The following MAP2K6 variants were observed in gnomAD, a reference collection of about 807,000 sequenced individuals.
The protein encoded by MAP2K6 is dual specificity mitogen-activated protein kinase kinase 6.
A neutral mutation model predicts 53.7 loss-of-function variants in MAP2K6; 16 were observed. The ratio of observed to expected loss-of-function variants is 0.30; its 90% CI spans 0.20 to 0.45. The LOEUF (loss-of-function observed/expected upper bound fraction) is 0.45, where lower values mean the gene tolerates loss of function less well. Among genes scored for constraint, MAP2K6 ranks in the 20% least tolerant of loss-of-function variants. The pLI is 1.00. For synonymous variants in MAP2K6, 132 were observed against 143.1 expected (o/e 0.92, Z 0.55); for missense variants, 204 against 411.9 (o/e 0.50, Z 4.37).
chr17:69,487,031 C>T (rs992019212), intron 1 of MAP2K6, among the ~76,000 whole-genome samples: 17 of 152,144 alleles, frequency 1.1e-4, no homozygotes, highest in Non-Finnish European at 2.1e-4. Flanking sequence ...AGACCTGGGT[C>T]GTGTCAAAAC....
chr17:69,541,555 C>T, intron 11 of MAP2K6, 121 bp from the exon 12 acceptor site: 1 of 622,380 alleles, frequency 1.6e-6, no homozygotes. Context: ...GTAGGAAAAG[C>T]CCAGCCTAGC....
At chr17:69,423,092 C>T (rs1035679663) in intron 1 of MAP2K6, among the ~76,000 whole-genome samples, 4 of 152,094 alleles carry the variant, frequency 2.6e-5, no homozygotes, top group Admixed American at 2.6e-4. Context: ...ACCATGTTGG[C>T]CAGGATGATC....
intron 1 of MAP2K6, among the ~76,000 whole-genome samples, chr17:69,476,499 A>T (rs1018238432): frequency 1.2e-4 from 18 of 152,196 alleles, no homozygotes; most frequent in Admixed American, 1.2e-3. Context: ...AAACTCATGG[A>T]GTCCCTACTC....
chr17:69,415,591 A>G (rs768970930), intron 1 of MAP2K6, among the ~76,000 whole-genome samples: 1 of 152,240 alleles, frequency 6.6e-6, no homozygotes, highest in African/African-American at 2.4e-5. Flanking sequence ...AAAGCAGACG[A>G]GTCTTGCTCT....
intron 1 of MAP2K6, among the ~76,000 whole-genome samples, chr17:69,493,949 C>T (rs1380255882): frequency 6.6e-6 from 1 of 152,076 alleles, no homozygotes; most frequent in Non-Finnish European, 1.5e-5. Context: ...TTTAAGTTAG[C>T]TTGCTAGGTT....
intron 1 of MAP2K6, chr17:69,501,894 A>G (rs1909189369): frequency 7.3e-6 from 1 of 137,674 alleles, no homozygotes; most frequent in African/African-American, 2.7e-5. Context: ...ACTTAGCTTT[A>G]TTATTCATAG....
chr17:69,452,670 A>AGG (rs1907269762), intron 1 of MAP2K6, among the ~76,000 whole-genome samples: 1 of 151,078 alleles, frequency 6.6e-6, no homozygotes, highest in Non-Finnish European at 1.5e-5. Context: ...AAGACAGATG[A>AGG]GGGGCTCTTA....
chr17:69,535,055 C>T (rs2144858641), intron 10 of MAP2K6, among the ~76,000 whole-genome samples: 1 of 151,062 alleles, frequency 6.6e-6, no homozygotes, highest in African/African-American at 2.4e-5. Context: ...GGGTTGGTCT[C>T]TTCATCTTAC....
rs761243464 is a variant in MAP2K6 at position 69,524,888 on chromosome 17, G to A, written c.664-13G>A. On this transcript the variant is annotated splice_polypyrimidine_tract_variant and intron_variant, in intron 8 of 11. Transcript: ENST00000590474. ...TGTCTTCCCAGTTTCTCAGTTGTCTGTCTTCTTTCCAGCCTGAAAGAATAA... is the reference window on the plus strand; with the variant it reads ...TGTCTTCCCAGTTTCTCAGTTGTCTATCTTCTTTCCAGCCTGAAAGAATAA... The A allele has an allele frequency of 3.7e-6, 6 of 1,602,686 alleles. No homozygotes were observed. Among genetic ancestry groups the A allele is most frequent in the South Asian group, 3.3e-5 (3 of 90,842 alleles).
intron 10 of MAP2K6, among the ~76,000 whole-genome samples, chr17:69,530,322 T>C (rs1272196798): frequency 6.6e-6 from 1 of 151,832 alleles, no homozygotes; most frequent in Non-Finnish European, 1.5e-5. Context: ...CAAAATAAGA[T>C]AAAATTAAAT....
intron 1 of MAP2K6, among the ~76,000 whole-genome samples, chr17:69,436,217 C>G (rs1273932687): frequency 6.6e-6 from 1 of 152,148 alleles, no homozygotes; most frequent in Non-Finnish European, 1.5e-5. Context: ...ATCCCTCACC[C>G]TCCAAGAGCA....
At chr17:69,441,806 T>G (rs1906826499) in intron 1 of MAP2K6, among the ~76,000 whole-genome samples, 1 of 152,140 alleles carries the variant, frequency 6.6e-6, no homozygotes, top group African/African-American at 2.4e-5. Context: ...TACTGCCAGG[T>G]GGGTGTAGAC....
At chr17:69,541,576 A>G in intron 11 of MAP2K6, 100 bp from the exon 12 acceptor site, 1 of 843,182 alleles carries the variant, frequency 1.2e-6, no homozygotes, top group East Asian at 2.7e-5. Flanking sequence ...TCTGATAGGG[A>G]TACTTAATCC....
At chr17:69,537,857 C>G (rs909612167) in intron 11 of MAP2K6, among the ~76,000 whole-genome samples, 3 of 152,062 alleles carry the variant, frequency 2.0e-5, no homozygotes, top group Non-Finnish European at 4.4e-5. Flanking sequence ...ATATTTTCTT[C>G]CCGATTATTT....
rs959635051 is a variant in MAP2K6 at position 69,546,128 on chromosome 17, C to G, written c.*4375C>G. 3 of 152,096 alleles carry G rather than the reference C, an allele frequency of 2.0e-5. No individual in the cohort carries two copies. The highest frequency in any genetic ancestry group is 4.4e-5 in the Non-Finnish European group (3 of 68,058). The allele number at this position is 152,096 out of a possible 1,614,324, so 9.4% of individuals were successfully genotyped here. ...TGGGGACCACAGATATCTATTATGC[C>G]AATGTTTGCACTGTCTGCTGTTGGT... On this transcript the variant is annotated 3_prime_UTR_variant, in exon 12 of 12. Coordinates refer to ENST00000590474, the MANE Select transcript of MAP2K6 (RefSeq NM_002758.4).
chr17:69,418,365 G>A (rs940014458), intron 1 of MAP2K6, among the ~76,000 whole-genome samples: 11 of 152,142 alleles, frequency 7.2e-5, no homozygotes, highest in African/African-American at 2.7e-4. Context: ...TTACTTTAAT[G>A]ACTCCCCAGT....
At chr17:69,436,691 A>T (rs561623794) in intron 1 of MAP2K6, among the ~76,000 whole-genome samples, 8 of 152,274 alleles carry the variant, frequency 5.3e-5, no homozygotes, top group Non-Finnish European at 4.4e-5. Flanking sequence ...CACCTGCAGA[A>T]TCCTCATGTG....
chr17:69,529,866 C>T (rs1910988571), intron 10 of MAP2K6, among the ~76,000 whole-genome samples: 1 of 152,146 alleles, frequency 6.6e-6, no homozygotes, highest in Admixed American at 6.5e-5. Flanking sequence ...ATACCGGCAT[C>T]ATTGCTCTTC....
In MAP2K6 at chr17:69,553,213, G is replaced by A. The variant is rs1348298902; in HGVS notation, c.*11460G>A. The A allele has an allele frequency of 6.6e-6, 1 of 152,184 alleles. No homozygotes were observed. 9.4% of individuals were successfully genotyped at this position (152,184 alleles called of 1,614,324 possible). On this transcript the variant is annotated 3_prime_UTR_variant, in exon 12 of 12. Transcript: ENST00000590474. ...GAGGGTAATTTTGCCTTACAAGTATGTAGGTCATTCTGTGGTGGGATTTCC... is the reference window on the plus strand; with the variant it reads ...GAGGGTAATTTTGCCTTACAAGTATATAGGTCATTCTGTGGTGGGATTTCC...
Sources: allele counts gnomAD v4.1 joint callset (sites outside exome capture counted in the v4.1 genomes callset), GRCh38; gene constraint gnomAD v4.1.1; transcripts MANE v1.5; gene names NCBI Gene and HGNC (gene_info 2026-07-23, HGNC 2026-07-21).